ANXA10: variants seen among roughly 807,000 people sequenced by gnomAD.
ANXA10 encodes the protein annexin A10.
Under a neutral mutation model 53.5 loss-of-function variants are expected in ANXA10, and 49 were observed. The ratio of observed to expected loss-of-function variants is 0.92; its 90% CI spans 0.73 to 1.16. The LOEUF (loss-of-function observed/expected upper bound fraction) is 1.16, where lower values mean the gene tolerates loss of function less well. Among genes scored for constraint, ANXA10 ranks in the 50% most tolerant of loss-of-function variants. ANXA10 has a pLI of 0.00. For missense variants in ANXA10, 393 were observed against 394.4 expected (o/e 1.00, Z 0.03); for synonymous variants, 131 against 128.9 (o/e 1.02, Z -0.11).
intron 1 of ANXA10, among the ~76,000 whole-genome samples, chr4:168,127,362 G>A (rs1185626380): frequency 6.6e-6 from 1 of 152,050 alleles, no homozygotes; most frequent in African/African-American, 2.4e-5. Flanking sequence ...TATATCACCT[G>A]GATTTTTATG....
intron 1 of ANXA10, among the ~76,000 whole-genome samples, chr4:168,110,182 C>T (rs564474932): frequency 3.3e-5 from 5 of 152,214 alleles, no homozygotes; most frequent in African/African-American, 1.2e-4. Flanking sequence ...CACTGCACTC[C>T]AGCCTGGGCG....
intron 10 of ANXA10, among the ~76,000 whole-genome samples, chr4:168,183,009 G>GAAAAA (rs747151480): frequency 2.1e-5 from 2 of 93,388 alleles, no homozygotes; most frequent in Non-Finnish European, 2.2e-5. Context: ...CACCGTCTCG[G>GAAAAA]AAAAAAAAAA....
chr4:168,125,909 TTA>T (rs1731059712), intron 1 of ANXA10, among the ~76,000 whole-genome samples: 1 of 152,132 alleles, frequency 6.6e-6, no homozygotes, highest in South Asian at 2.1e-4. Flanking sequence ...GAAGCAAAGA[TTA>T]TATTTTGATT....
intron 1 of ANXA10, among the ~76,000 whole-genome samples, chr4:168,104,900 A>T (rs1730695084): frequency 6.6e-6 from 1 of 151,296 alleles, no homozygotes; most frequent in Admixed American, 6.6e-5. Context: ...TATTTCTCTA[A>T]TTTCTTGTGG....
intron 6 of ANXA10, 63 bp downstream of exon 6, chr4:168,165,389 C>CA (rs33925175): frequency 0.019 from 7,490 of 398,934 alleles, 2 homozygotes; most frequent in East Asian, 0.062. Flanking sequence ...ATGTCATTGC[C>CA]AAAAAAAAAA....
chr4:168,108,755 T>A (rs78235928), intron 1 of ANXA10, among the ~76,000 whole-genome samples: 1 of 152,278 alleles, frequency 6.6e-6, no homozygotes, highest in African/African-American at 2.4e-5. Context: ...AGCCACGCAA[T>A]CTGAGCTTTA....
intron 2 of ANXA10, among the ~76,000 whole-genome samples, chr4:168,136,428 C>A (rs1216934947): frequency 6.6e-6 from 1 of 152,102 alleles, no homozygotes; most frequent in Non-Finnish European, 1.5e-5. Context: ...TTCCAATGTA[C>A]AATTGGGGTA....
chr4:168,145,125 C>A (rs991535323), intron 3 of ANXA10, among the ~76,000 whole-genome samples: 6 of 152,150 alleles, frequency 3.9e-5, no homozygotes, highest in African/African-American at 1.4e-4. Context: ...GCCGCAAGAC[C>A]AGATGAGCCA....
At chr4:168,093,072 A>T (rs1730485582) in intron 1 of ANXA10, among the ~76,000 whole-genome samples, 1 of 152,140 alleles carries the variant, frequency 6.6e-6, no homozygotes, top group African/African-American at 2.4e-5. Context: ...CAGAGTTAAT[A>T]TTATGAAATC....
intron 6 of ANXA10, among the ~76,000 whole-genome samples, chr4:168,174,373 T>C (rs1167279382): frequency 6.6e-6 from 1 of 152,218 alleles, no homozygotes; most frequent in Non-Finnish European, 1.5e-5. Flanking sequence ...ACTTGTGACA[T>C]GCCTGGTCCA....
intron 3 of ANXA10, among the ~76,000 whole-genome samples, chr4:168,158,499 C>A (rs551639969): frequency 6.6e-6 from 1 of 152,094 alleles, no homozygotes; most frequent in Admixed American, 6.6e-5. Flanking sequence ...TTTGTCTACA[C>A]CAAGTGGCAA....
chr4:168,137,995 T>A (rs895054979), intron 2 of ANXA10, among the ~76,000 whole-genome samples: 4 of 150,926 alleles, frequency 2.7e-5, no homozygotes, highest in Non-Finnish European at 4.4e-5. Context: ...GGAGTCTTAC[T>A]CTGTTGCCCA....
chr4:168,103,416 CTG>C (rs1396578249), intron 1 of ANXA10, among the ~76,000 whole-genome samples: 3 of 151,780 alleles, frequency 2.0e-5, no homozygotes, highest in African/African-American at 7.2e-5. Flanking sequence ...CTTGGGAAAA[CTG>C]TTTTTTCTCT....
At chr4:168,103,318 C>A (rs1472515409) in intron 1 of ANXA10, among the ~76,000 whole-genome samples, 1 of 151,878 alleles carries the variant, frequency 6.6e-6, no homozygotes, top group Admixed American at 6.6e-5. Flanking sequence ...AGGTCTATGA[C>A]AAATTTTGAA....
intron 2 of ANXA10, among the ~76,000 whole-genome samples, chr4:168,131,916 A>G (rs1731161608): frequency 6.6e-6 from 1 of 152,040 alleles, no homozygotes; most frequent in African/African-American, 2.4e-5. Flanking sequence ...TAGTGCTATT[A>G]AGAAATAATT....
intron 6 of ANXA10, among the ~76,000 whole-genome samples, chr4:168,175,716 A>C (rs1350371695): frequency 6.6e-6 from 1 of 152,234 alleles, no homozygotes; most frequent in Admixed American, 6.5e-5. Context: ...TATTTTAAGC[A>C]AAGGAAATTG....
chr4:168,122,488 T>C (rs1267637793), intron 1 of ANXA10, among the ~76,000 whole-genome samples: 1 of 152,182 alleles, frequency 6.6e-6, no homozygotes, highest in African/African-American at 2.4e-5. Flanking sequence ...ATTCAATATA[T>C]CATATTGTAT....
At chr4:168,139,371 C>A in intron 2 of ANXA10, 115 bp from the exon 3 acceptor site, 1 of 696,440 alleles carries the variant, frequency 1.4e-6, no homozygotes, top group Non-Finnish European at 2.3e-6. Flanking sequence ...TTGTTCCCTG[C>A]TGTAAAATAC....
chr4:168,117,068 A>G (rs1730906345), intron 1 of ANXA10, among the ~76,000 whole-genome samples: 1 of 152,056 alleles, frequency 6.6e-6, no homozygotes, highest in Non-Finnish European at 1.5e-5. Flanking sequence ...AGCCTTGGCT[A>G]ATTGTAAACA....
Sources: allele counts gnomAD v4.1 joint callset (sites outside exome capture counted in the v4.1 genomes callset), GRCh38; gene constraint gnomAD v4.1.1; transcripts MANE v1.5; gene names NCBI Gene and HGNC (gene_info 2026-07-23, HGNC 2026-07-21).